The following CCDC38 variants were observed in gnomAD, a reference collection of about 807,000 sequenced individuals.
The protein encoded by CCDC38 is coiled-coil domain containing 38.
Under a neutral mutation model 72.8 loss-of-function variants are expected in CCDC38, and 69 were observed. The ratio of observed to expected loss-of-function variants is 0.95; its 90% CI spans 0.78 to 1.16. The LOEUF (loss-of-function observed/expected upper bound fraction) is 1.16. Ranked by LOEUF, CCDC38 falls within the 50% of genes most tolerant of loss-of-function variation. CCDC38 has a pLI of 0.00. For missense variants in CCDC38, 626 were observed against 638.9 expected (o/e 0.98, Z 0.22); for synonymous variants, 201 against 213.2 (o/e 0.94, Z 0.50).
intron 13 of CCDC38, among the ~76,000 whole-genome samples, chr12:95,873,342 C>G (rs2079601942): frequency 6.6e-6 from 1 of 152,132 alleles, no homozygotes; most frequent in Admixed American, 6.5e-5. Flanking sequence ...TGACTAAATG[C>G]ATTCTCAGAA....
chr12:95,932,953 G>T lies in CCDC38; in HGVS notation c.37+3520C>A, dbSNP rs1770380541. ...GGAACATATCCATACATGGGGAAAG[G>T]AGAGACTGTTCAAAAAATGAGTCGG... On this transcript the variant is annotated intron_variant, in intron 2 of 15. Transcript: ENST00000344280. 2.0e-5 allele frequency among the ~76,000 whole-genome samples: 3 copies of T among 152,164 alleles called. No individual in the cohort carries two copies. The South Asian group carries it at 6.2e-4, about 31-fold the overall frequency.
intron 4 of CCDC38, among the ~76,000 whole-genome samples, chr12:95,916,207 T>A (rs1476583168): frequency 2.0e-5 from 3 of 152,218 alleles, no homozygotes; most frequent in Non-Finnish European, 4.4e-5. Context: ...CAATTATATA[T>A]GCACTTGGAA....
At chr12:95,872,886 T>C (rs1231176799) in intron 13 of CCDC38, among the ~76,000 whole-genome samples, 1 of 152,242 alleles carries the variant, frequency 6.6e-6, no homozygotes, top group Non-Finnish European at 1.5e-5. Flanking sequence ...TGAGAAGTTT[T>C]AATAAATCAT....
At chr12:95,884,817 C>A (rs904451740) in intron 10 of CCDC38, among the ~76,000 whole-genome samples, 8 of 152,106 alleles carry the variant, frequency 5.3e-5, no homozygotes, top group African/African-American at 1.9e-4. Flanking sequence ...AAGGGTCTAC[C>A]CTAATGACTT....
chr12:95,879,570 T>C lies in CCDC38; in HGVS notation c.1142+74A>G. On this transcript the variant is annotated intron_variant, in intron 12 of 15. Transcript: ENST00000344280. The surrounding 1 kb of genome is among the most constrained non-coding windows in gnomAD (Gnocchi z 5.5). Reference sequence around the variant, plus strand: ...ACAGAGACCACGAGGAAGAGCCACATGTGAGTGAGTTGGACCCAGGCTCTG... The same window carrying C: ...ACAGAGACCACGAGGAAGAGCCACACGTGAGTGAGTTGGACCCAGGCTCTG... 6 of 1,038,846 alleles carry C rather than the reference T, an allele frequency of 5.8e-6. No homozygotes were observed. The South Asian group carries it at 9.9e-5, about 17-fold the overall frequency. 64.4% of individuals were successfully genotyped at this position (1,038,846 alleles called of 1,614,324 possible). A position where few individuals can be genotyped will look rare whatever the true frequency, so the allele number is the denominator to read the frequency against.
intron 2 of CCDC38, among the ~76,000 whole-genome samples, chr12:95,935,903 A>G (rs2080388456): frequency 6.6e-6 from 1 of 152,014 alleles, no homozygotes; most frequent in Non-Finnish European, 1.5e-5. Context: ...ACATGGTGAA[A>G]CCTTGTCTCT....
chr12:95,932,939 A>T (rs972002918), intron 2 of CCDC38, among the ~76,000 whole-genome samples: 2 of 152,232 alleles, frequency 1.3e-5, no homozygotes, highest in Non-Finnish European at 2.9e-5. Context: ...GAACATATCC[A>T]TACATGGGGA....
At chr12:95,881,586 G>C in intron 10 of CCDC38, 32 bp from the exon 11 acceptor site, 1 of 1,563,344 alleles carries the variant, frequency 6.4e-7, no homozygotes. Context: ...GAAAATGTCT[G>C]ATTTGTGAGC....
At chr12:95,881,353 A>G (rs1280864764) in intron 11 of CCDC38, 132 bp downstream of exon 11, 4 of 613,580 alleles carry the variant, frequency 6.5e-6, no homozygotes, top group Non-Finnish European at 1.1e-5. Context: ...GGAGAATAGT[A>G]TCAAAATTAT....
At chr12:95,919,158 T>C (rs1383952680) in intron 2 of CCDC38, among the ~76,000 whole-genome samples, 182 bp from the exon 3 acceptor site, 2 of 152,174 alleles carry the variant, frequency 1.3e-5, no homozygotes, top group South Asian at 4.1e-4. Flanking sequence ...AATGAATGAT[T>C]TGTGGATCGG....
rs535924446 is a variant in CCDC38, at chr12:95,918,669, C to T, written c.138+207G>A. On this transcript the variant is annotated intron_variant, in intron 3 of 15. Coordinates refer to ENST00000344280, the MANE Select transcript of CCDC38 (RefSeq NM_182496.3). ...CTGCAGTGGTATATCTCTCTTCCTC[C>T]GTTAGGTGGCGATCTTTGTGCTGCC... 1.2e-3 allele frequency among the ~76,000 whole-genome samples: 176 copies of T among 152,282 alleles called. 1 individual carries two copies. The highest frequency in any genetic ancestry group is 3.4e-3 in the African/African-American group (143 of 41,548).
intron 10 of CCDC38, chr12:95,885,126 G>T: frequency 6.6e-6 from 1 of 152,606 alleles, no homozygotes; most frequent in South Asian, 2.0e-4. Flanking sequence ...AATAGCTACA[G>T]GCCATTTCCT....
intron 5 of CCDC38, chr12:95,903,790 A>T (rs1208065861): frequency 8.6e-6 from 2 of 232,532 alleles, no homozygotes; most frequent in Non-Finnish European, 1.7e-5. Flanking sequence ...GGTTTGTTAC[A>T]TTTTGTTCAG....
rs146820975 is a variant in CCDC38 at position 95,935,628 on chromosome 12, A to G, written c.37+845T>C. On this transcript the variant is annotated intron_variant, in intron 2 of 15. Coordinates refer to ENST00000344280, the MANE Select transcript of CCDC38 (RefSeq NM_182496.3). The stretch of plus-strand genomic sequence containing the variant: ...ACATTGTAAATACAAATAGTGTCAA[A>G]TGTTCCTTTAAAGAGAATGCCTATA... The G allele has an allele frequency of 6.6e-5, 13 of 196,468 alleles. No individual in the cohort carries two copies. In the East Asian group the frequency reaches 1.8e-3, roughly 26 times the overall value. 12.2% of individuals were successfully genotyped at this position (196,468 alleles called of 1,614,324 possible).
At chr12:95,914,072 C>T (rs2080120750) in intron 4 of CCDC38, among the ~76,000 whole-genome samples, 1 of 152,166 alleles carries the variant, frequency 6.6e-6, no homozygotes, top group African/African-American at 2.4e-5. Context: ...GCCTGTAATC[C>T]CAGCACTTTG....
intron 2 of CCDC38, chr12:95,935,040 T>G (rs578052229): frequency 6.6e-6 from 1 of 152,202 alleles, no homozygotes; most frequent in South Asian, 2.1e-4. Context: ...GGTTGTATTA[T>G]AGTTTACATA....
chr12:95,872,039 C>G (rs1478328414), intron 14 of CCDC38, among the ~76,000 whole-genome samples: 1 of 152,160 alleles, frequency 6.6e-6, no homozygotes, highest in Non-Finnish European at 1.5e-5. Flanking sequence ...TCGTGGTGCT[C>G]ATTACCATTG....
chr12:95,921,945 T>C (rs1440033970), intron 2 of CCDC38, among the ~76,000 whole-genome samples: 6 of 152,176 alleles, frequency 3.9e-5, no homozygotes, highest in Non-Finnish European at 8.8e-5. Flanking sequence ...TGACTTAATT[T>C]GTCAAGGAAA....
intron 13 of CCDC38, among the ~76,000 whole-genome samples, chr12:95,876,640 G>A (rs1211364422): frequency 6.6e-6 from 1 of 152,008 alleles, no homozygotes; most frequent in Non-Finnish European, 1.5e-5. Context: ...CTTGGCCCCG[G>A]CAATGCACAA....
Sources: gnomAD v4.1 joint callset for allele counts (sites outside exome capture counted in the v4.1 genomes callset) on GRCh38, gnomAD v4.1.1 for gene constraint, Gnocchi (gnomAD v3.1) non-coding constraint, MANE v1.5 for transcripts, NCBI Gene and HGNC (gene_info 2026-07-23, HGNC 2026-07-21) for gene names.